Variants in IFT56 observed in about 807,000 individuals in gnomAD.
IFT56 encodes the protein intraflagellar transport 56, also known as intraflagellar transport protein 56.
At chr7:139,172,551 C>A in the IFT56 span, 20 of 534,248 alleles carry the variant, frequency 3.7e-5, no homozygotes, top group African/African-American at 3.5e-4. Context: ...CTGTAATGCA[C>A]CTCACAGGCA....
the IFT56 span, among the ~76,000 whole-genome samples, chr7:139,172,147 T>A: frequency 4.3e-5 from 4 of 92,302 alleles, no homozygotes; most frequent in East Asian, 5.0e-4. Context: ...AAAAAAAAAT[T>A]ACTTAATGCT....
chr7:139,173,729 T>C, the IFT56 span: 12 of 769,102 alleles, frequency 1.6e-5, no homozygotes, highest in Non-Finnish European at 2.4e-5. Context: ...AAAGGCTGCA[T>C]TGAGAGCAAA....
the IFT56 span, among the ~76,000 whole-genome samples, chr7:139,160,736 C>A: frequency 6.6e-6 from 1 of 152,108 alleles, no homozygotes; most frequent in Admixed American, 6.6e-5. Context: ...GCGCCCGGCC[C>A]AAGTCACTTA....
the IFT56 span, chr7:139,173,793 T>C: frequency 1.3e-6 from 1 of 745,740 alleles, no homozygotes. Context: ...CACTAACCAT[T>C]TCCTCCTGTT....
chr7:139,161,049 G>A, the IFT56 span: 1 of 1,596,650 alleles, frequency 6.3e-7, no homozygotes, highest in East Asian at 2.2e-5. Context: ...CGTCTTGACT[G>A]AGTTCAGTCC....
chr7:139,183,349 A>G, the IFT56 span, among the ~76,000 whole-genome samples: 1 of 152,186 alleles, frequency 6.6e-6, no homozygotes, highest in Non-Finnish European at 1.5e-5. Flanking sequence ...AAAATTTATT[A>G]CACTACAGGA....
At chr7:139,189,137 A>T in the IFT56 span, among the ~76,000 whole-genome samples, 26 of 152,358 alleles carry the variant, frequency 1.7e-4, 1 homozygote, top group African/African-American at 5.3e-4. Flanking sequence ...TTTCCATTTT[A>T]CTATGCCACA....
At chr7:139,137,775 A>G in the IFT56 span, 14 of 1,289,726 alleles carry the variant, frequency 1.1e-5, no homozygotes, top group Non-Finnish European at 1.3e-5. Flanking sequence ...AACCCAACGT[A>G]GCATTTTTTT....
At chr7:139,150,309 G>A in the IFT56 span, among the ~76,000 whole-genome samples, 3 of 152,160 alleles carry the variant, frequency 2.0e-5, no homozygotes, top group Non-Finnish European at 4.4e-5. Context: ...ACAAATAAAT[G>A]AAATACATTC....
At chr7:139,142,327 AT>A in the IFT56 span, 2 of 1,604,276 alleles carry the variant, frequency 1.2e-6, no homozygotes, top group Admixed American at 1.7e-5. Flanking sequence ...CTCATTTCAC[AT>A]TTTTTTGTTT....
At chr7:139,133,801 G>C in the IFT56 span, 1 of 1,613,696 alleles carries the variant, frequency 6.2e-7, no homozygotes, top group Non-Finnish European at 8.5e-7. Flanking sequence ...TGGATGCGGC[G>C]AAACGCTGAG....
At chr7:139,137,738 C>A in the IFT56 span, 1 of 760,252 alleles carries the variant, frequency 1.3e-6, no homozygotes. Context: ...TGTCATGCTT[C>A]TAATACTTAG....
At chr7:139,160,706 G>A in the IFT56 span, among the ~76,000 whole-genome samples, 1 of 152,116 alleles carries the variant, frequency 6.6e-6, no homozygotes, top group South Asian at 2.1e-4. Flanking sequence ...AAAATGCTGG[G>A]ATTACAGGCA....
the IFT56 span, among the ~76,000 whole-genome samples, chr7:139,136,953 G>A: frequency 1.4e-3 from 213 of 152,302 alleles, no homozygotes; most frequent in Middle Eastern, 6.8e-3. Flanking sequence ...CAAATTCATA[G>A]CATTTGGTAT....
chr7:139,171,866 T>C, the IFT56 span, among the ~76,000 whole-genome samples: 1 of 152,218 alleles, frequency 6.6e-6, no homozygotes, highest in Non-Finnish European at 1.5e-5. Flanking sequence ...ACTAACATTT[T>C]ACAGAAAGGT....
At chr7:139,181,279 C>T in the IFT56 span, 1 of 1,066,476 alleles carries the variant, frequency 9.4e-7, no homozygotes, top group Non-Finnish European at 1.4e-6. Context: ...GGGAAAATGT[C>T]CTGCAGACTA....
chr7:139,142,721 A>G, the IFT56 span, among the ~76,000 whole-genome samples: 1 of 152,190 alleles, frequency 6.6e-6, no homozygotes, highest in Non-Finnish European at 1.5e-5. Flanking sequence ...AATCCCAGCT[A>G]CTGAGGAGGC....
the IFT56 span, chr7:139,166,762 G>T: frequency 2.7e-6 from 2 of 740,800 alleles, no homozygotes; most frequent in South Asian, 3.5e-5. Flanking sequence ...AGTACTGAAG[G>T]ATCTTATCTT....
the IFT56 span, chr7:139,134,524 T>C: frequency 9.9e-7 from 1 of 1,007,510 alleles, no homozygotes; most frequent in South Asian, 2.2e-5. Context: ...CGCCTTCGCC[T>C]CTCAAAGTGC....
Sources: gnomAD v4.1 joint callset for allele counts (sites outside exome capture counted in the v4.1 genomes callset) on GRCh38, gnomAD v4.1.1 for gene constraint, MANE v1.5 for transcripts, NCBI Gene and HGNC (gene_info 2026-07-23, HGNC 2026-07-21) for gene names.